Variants in SYT13 observed in about 807,000 individuals in gnomAD.
SYT13 encodes the protein synaptotagmin-13.
SYT13 carries 21 observed loss-of-function variants against 38.6 expected under a neutral mutation model. That is an observed-to-expected ratio of 0.54 (90% confidence interval 0.39 to 0.78). The LOEUF (loss-of-function observed/expected upper bound fraction) is 0.78, where lower values mean the gene tolerates loss of function less well. Among genes scored for constraint, SYT13 ranks in the 30% least tolerant of loss-of-function variants. The probability of loss-of-function intolerance (pLI) is 0.00; values close to 1 mark genes in which losing one functional copy is unlikely to be tolerated. For missense variants in SYT13, 495 were observed against 548.7 expected (o/e 0.90, Z 0.98); for synonymous variants, 241 against 237.6 (o/e 1.01, Z -0.13).
rs370946917 is a variant in SYT13 at position 45,252,492 on chromosome 11, G to A, written c.775C>T (p.Arg259Cys). The A allele has an allele frequency of 2.5e-5, 41 of 1,613,438 alleles. No individual in the cohort carries two copies. In the Admixed American group the frequency reaches 4.0e-4, roughly 16 times the overall value. Reference protein sequence around the residue: ...FSRHSVAGELRLGLDGTSVPL... With the variant: ...FSRHSVAGELCLGLDGTSVPL... ...ACAGATGTCCCGTCCAGGCCCAGGCGGAGCTCCCCGGCCACGCTGTGACGG... is the reference window on the plus strand; with the variant it reads ...ACAGATGTCCCGTCCAGGCCCAGGCAGAGCTCCCCGGCCACGCTGTGACGG... The change falls in exon 4 of 6, where the codon CGC (arginine) becomes TGC (cysteine). Residue 259 changes from arginine to cysteine, a missense_variant. Coordinates refer to ENST00000020926, the MANE Select transcript of SYT13 (RefSeq NM_020826.3). The surrounding 1 kb of genome is among the most constrained non-coding windows in gnomAD (Gnocchi z 4.3).
At chr11:45,263,884 C>T (rs1055563444) in intron 1 of SYT13, among the ~76,000 whole-genome samples, 1 of 152,082 alleles carries the variant, frequency 6.6e-6, no homozygotes, top group African/African-American at 2.4e-5. Flanking sequence ...GGGATGCTAA[C>T]AATAGCATCT....
rs370439252 is a variant in SYT13, at chr11:45,261,554, C to A, written c.184-5663G>T. 5.3e-5 allele frequency among the ~76,000 whole-genome samples: 8 copies of A among 150,868 alleles called. No individual in the cohort carries two copies. In the South Asian group the frequency reaches 8.4e-4, roughly 16 times the overall value. ...CGGAGGTTGCAGTGAGCTGAGATCG[C>A]GCCACTGCACTCCAGCCTGGGTGTA... On this transcript the variant is annotated intron_variant, in intron 1 of 5. Coordinates refer to ENST00000020926, the MANE Select transcript of SYT13 (RefSeq NM_020826.3).
intron 4 of SYT13, among the ~76,000 whole-genome samples, chr11:45,248,170 T>G (rs1408388963): frequency 1.3e-5 from 2 of 152,172 alleles, no homozygotes; most frequent in African/African-American, 4.8e-5. Context: ...TATGAAGAAA[T>G]GATTTGGGAG....
chr11:45,249,703 A>T (rs1237151790), intron 4 of SYT13, among the ~76,000 whole-genome samples: 3 of 152,272 alleles, frequency 2.0e-5, no homozygotes, highest in East Asian at 1.9e-4. Context: ...GAACAATGAG[A>T]TCACTTGGAC....
At chr11:45,256,992 C>T (rs1854756203) in intron 1 of SYT13, among the ~76,000 whole-genome samples, 1 of 152,198 alleles carries the variant, frequency 6.6e-6, no homozygotes, top group Admixed American at 6.5e-5. Flanking sequence ...GCAATCAATA[C>T]CTGTGACTAG....
At chr11:45,273,805 G>C (rs537585236) in intron 1 of SYT13, among the ~76,000 whole-genome samples, 1 of 152,192 alleles carries the variant, frequency 6.6e-6, no homozygotes. Flanking sequence ...CATTTATCAC[G>C]TCTGGAATAC....
chr11:45,244,446 C>A, intron 5 of SYT13, 90 bp from the exon 6 acceptor site: 1 of 1,453,008 alleles, frequency 6.9e-7, no homozygotes, highest in Non-Finnish European at 9.3e-7. Flanking sequence ...AAGCTCCCTC[C>A]TGGTGCTGGA....
At chr11:45,249,880 T>G (rs1854652885) in intron 4 of SYT13, among the ~76,000 whole-genome samples, 2 of 152,190 alleles carry the variant, frequency 1.3e-5, no homozygotes, top group African/African-American at 4.8e-5. Flanking sequence ...ACATGTATCC[T>G]AGAACTTAAA....
chr11:45,285,148 G>A (rs1855118758), intron 1 of SYT13, among the ~76,000 whole-genome samples: 1 of 152,162 alleles, frequency 6.6e-6, no homozygotes, highest in African/African-American at 2.4e-5. Context: ...TTGCCTCCTG[G>A]TTCTCCAGAG....
chr11:45,280,871 G>A (rs78938219), intron 1 of SYT13, among the ~76,000 whole-genome samples: 4,927 of 152,314 alleles, frequency 0.032, 140 homozygotes, highest in African/African-American at 0.077. Flanking sequence ...CTGATCTTAA[G>A]GAGAAGGCTC....
chr11:45,251,386 T>TAAAA (rs10649998), intron 4 of SYT13, among the ~76,000 whole-genome samples: 5,413 of 75,240 alleles, frequency 0.072, 424 homozygotes, highest in Non-Finnish European at 0.087. Flanking sequence ...AGACTCTGTC[T>TAAAA]AAAAAAAAAA....
intron 1 of SYT13, among the ~76,000 whole-genome samples, chr11:45,259,527 G>A (rs1299671023): frequency 6.6e-6 from 1 of 152,098 alleles, no homozygotes; most frequent in Non-Finnish European, 1.5e-5. Context: ...TCAGGAGCTT[G>A]TTACCAGAGC....
Position 45,246,503 on chromosome 11 carries a change from C to A in SYT13, c.856G>T (p.Ala286Ser), listed in dbSNP as rs530321611. ...ELKTSAKEPS[A>S]GAGEVLLSIS... ...GATAGTAGGACCTCTCCAGCTCCTG[C>A]AGATGGCTCCTGAAACAGAAAAGGA... Residue 286 changes from alanine (A) to serine (S), a missense_variant, in exon 5 of 6, where the codon GCA becomes TCA. Transcript: ENST00000020926. 39 of 1,613,878 alleles carry A rather than the reference C, an allele frequency of 2.4e-5. No individual in the cohort carries two copies. Among genetic ancestry groups the A allele is most frequent in the South Asian group, 2.2e-4 (20 of 91,064 alleles).
In SYT13 at chr11:45,271,004, G is replaced by A. The variant is rs887927437; in HGVS notation, c.183+15021C>T. On this transcript the variant is annotated intron_variant, in intron 1 of 5. Transcript: ENST00000020926. ...CCTACATACCATGGGAGACACAGGA[G>A]TAAGTCCCCACCCTCAGAGAGTTTA... Among the ~76,000 whole-genome samples, 3 of 152,190 alleles carry A rather than the reference G, an allele frequency of 2.0e-5. No individual in the cohort carries two copies. The South Asian group carries it at 6.2e-4, about 31-fold the overall frequency.
intron 4 of SYT13, among the ~76,000 whole-genome samples, chr11:45,248,387 G>T (rs1303305355): frequency 6.6e-6 from 1 of 152,192 alleles, no homozygotes; most frequent in Non-Finnish European, 1.5e-5. Context: ...TTATAATCTT[G>T]ATGACAACCT....
At chr11:45,246,617 G>A (rs995441954) in intron 4 of SYT13, 105 bp from the exon 5 acceptor site, 38 of 1,467,012 alleles carry the variant, frequency 2.6e-5, no homozygotes, top group Non-Finnish European at 3.3e-5. Flanking sequence ...CATCCAACAC[G>A]CATCCTTGAA....
intron 1 of SYT13, among the ~76,000 whole-genome samples, chr11:45,283,187 T>C (rs1855094590): frequency 2.0e-5 from 3 of 152,094 alleles, no homozygotes; most frequent in African/African-American, 7.2e-5. Context: ...CAAATTTCTT[T>C]TCAAAATCAC....
At chr11:45,265,890 A>T (rs925693653) in intron 1 of SYT13, among the ~76,000 whole-genome samples, 4 of 152,220 alleles carry the variant, frequency 2.6e-5, no homozygotes, top group Non-Finnish European at 4.4e-5. Flanking sequence ...GGTGGAACTC[A>T]TCAGTGGTAA....
intron 2 of SYT13, among the ~76,000 whole-genome samples, 186 bp downstream of exon 2, chr11:45,255,480 T>C (rs887385834): frequency 6.6e-6 from 1 of 152,156 alleles, no homozygotes; most frequent in African/African-American, 2.4e-5. Flanking sequence ...GGGGGAGAAG[T>C]GGTATGGCAA....
Sources: allele counts gnomAD v4.1 joint callset (sites outside exome capture counted in the v4.1 genomes callset), GRCh38; gene constraint gnomAD v4.1.1; non-coding constraint Gnocchi (gnomAD v3.1); transcripts MANE v1.5; gene names NCBI Gene and HGNC (gene_info 2026-07-23, HGNC 2026-07-21).